CSMD1: variants seen among roughly 807,000 people sequenced by gnomAD.
CSMD1 encodes CUB and Sushi multiple domains 1.
Under a neutral mutation model 417.5 loss-of-function variants are expected in CSMD1, and 213 were observed. That is an observed-to-expected ratio of 0.51 (90% CI 0.46 to 0.57). The LOEUF is 0.57. Among genes scored for constraint, CSMD1 ranks in the 20% least tolerant of loss-of-function variants. The pLI, the probability that CSMD1 is intolerant of heterozygous loss-of-function variation, is 0.00. For synonymous variants in CSMD1, 2,862 were observed against 1,736.8 expected (o/e 1.65, Z -16.11); for missense variants, 6,923 against 4,529.7 (o/e 1.53, Z -15.17).
At position 3,255,423 on chromosome 8, in the gene CSMD1, C is replaced by G. The variant is rs112484382; in HGVS notation, c.4154-25192G>C. 2.9e-3 allele frequency among the ~76,000 whole-genome samples: 444 copies of G among 152,330 alleles called. 2 individuals are homozygous for G. Among genetic ancestry groups the G allele is most frequent in the African/African-American group, 0.01 (422 of 41,588 alleles). ...TCAGACAGGGACATTTCAGTCTGCACAGGTTTCTGCTGCCTTTTGTTGTCT... is the reference window on the plus strand; with the variant it reads ...TCAGACAGGGACATTTCAGTCTGCAGAGGTTTCTGCTGCCTTTTGTTGTCT... On this transcript the variant is annotated intron_variant, in intron 26 of 69. Transcript: ENST00000635120.
At chr8:4,848,452 A>C (rs1801272977) in intron 1 of CSMD1, among the ~76,000 whole-genome samples, 1 of 152,154 alleles carries the variant, frequency 6.6e-6, no homozygotes, top group Admixed American at 6.5e-5. Flanking sequence ...TGCATTACTC[A>C]TGGGTTTGTT....
intron 37 of CSMD1, among the ~76,000 whole-genome samples, chr8:3,167,450 A>G (rs1253215336): frequency 6.6e-6 from 1 of 152,186 alleles, no homozygotes; most frequent in Admixed American, 6.5e-5. Context: ...TTCTTGTGCA[A>G]TCTACACATT....
chr8:4,418,408 T>G (rs1724881378), intron 3 of CSMD1, among the ~76,000 whole-genome samples: 1 of 152,120 alleles, frequency 6.6e-6, no homozygotes, highest in Non-Finnish European at 1.5e-5. Flanking sequence ...CCCAGAAATA[T>G]TTGATAGAAT....
chr8:4,622,211 C>T (rs923265877), intron 2 of CSMD1, among the ~76,000 whole-genome samples: 4 of 150,380 alleles, frequency 2.7e-5, no homozygotes, highest in Non-Finnish European at 4.4e-5. Flanking sequence ...ATTGACCTGA[C>T]ATTACCTGGA....
intron 3 of CSMD1, among the ~76,000 whole-genome samples, chr8:4,279,606 A>T (rs144466617): frequency 1.5e-3 from 227 of 152,306 alleles, no homozygotes; most frequent in Non-Finnish European, 2.9e-3. Flanking sequence ...AATAGACTCA[A>T]TGAAAGGATA....
chr8:4,011,824 C>A (rs924720730), intron 4 of CSMD1, among the ~76,000 whole-genome samples: 1 of 152,108 alleles, frequency 6.6e-6, no homozygotes, highest in Non-Finnish European at 1.5e-5. Flanking sequence ...ATAATATGTG[C>A]ACAGTCATCT....
At chr8:3,553,890 C>G (rs994128194) in intron 10 of CSMD1, among the ~76,000 whole-genome samples, 1 of 152,128 alleles carries the variant, frequency 6.6e-6, no homozygotes, top group Non-Finnish European at 1.5e-5. Context: ...ATATCCACAA[C>G]AGTCATATTT....
intron 11 of CSMD1, among the ~76,000 whole-genome samples, chr8:3,492,470 C>T (rs549898780): frequency 2.6e-5 from 4 of 152,008 alleles, no homozygotes; most frequent in South Asian, 2.1e-4. Flanking sequence ...TAATGAAAGA[C>T]GCTTCTGGTT....
At chr8:3,034,582 T>C (rs1304381883) in intron 50 of CSMD1, among the ~76,000 whole-genome samples, 5 of 152,176 alleles carry the variant, frequency 3.3e-5, no homozygotes, top group East Asian at 1.9e-4. Context: ...TATGTATGTA[T>C]AAATTTTAAT....
At chr8:4,224,930 G>C (rs940881591) in intron 3 of CSMD1, among the ~76,000 whole-genome samples, 1 of 151,990 alleles carries the variant, frequency 6.6e-6, no homozygotes, top group Non-Finnish European at 1.5e-5. Flanking sequence ...TCCCAATATT[G>C]TGAAACCCCA....
intron 1 of CSMD1, among the ~76,000 whole-genome samples, chr8:4,876,075 C>G (rs112757148): frequency 0.017 from 2,657 of 152,050 alleles, 79 homozygotes; most frequent in African/African-American, 0.052. Context: ...TAGCAGATAG[C>G]CTAATGAGTA....
Position 3,142,630 on chromosome 8 carries a change from C to A in CSMD1, c.6076G>T (p.Asp2026Tyr). ...FLNFSTEANH[D>Y]FLEIQNGPYH... is the part of the protein sequence containing the mutation. ...GGTCCATTTTGAATTTCAAGGAAGT[C>A]ATGATTAGCTTCGGTAGAAAAATTC... The change falls in exon 41 of 70, where the codon GAC (aspartate) becomes TAC (tyrosine). Residue 2026 changes from aspartate (D) to tyrosine (Y), a missense_variant. Physicochemically the swap from Asp to Tyr is radical, Grantham distance 160. Transcript: ENST00000635120. 1 of 1,613,968 alleles carries A rather than the reference C, an allele frequency of 6.2e-7. No individual in the cohort carries two copies. The highest frequency in any genetic ancestry group is 2.2e-5 in the East Asian group (1 of 44,884).
intron 1 of CSMD1, among the ~76,000 whole-genome samples, chr8:4,682,089 G>C (rs1006877610): frequency 6.6e-6 from 1 of 152,160 alleles, no homozygotes; most frequent in African/African-American, 2.4e-5. Context: ...GGTGATCTCA[G>C]CTCACTGCAA....
At chr8:3,213,766 T>C (rs1032618481) in intron 30 of CSMD1, among the ~76,000 whole-genome samples, 5 of 151,062 alleles carry the variant, frequency 3.3e-5, no homozygotes, top group African/African-American at 1.2e-4. Context: ...TATGTATATA[T>C]ATGTGTGTGT....
chr8:3,890,669 C>T (rs1806908735), intron 5 of CSMD1, among the ~76,000 whole-genome samples: 1 of 152,120 alleles, frequency 6.6e-6, no homozygotes, highest in African/African-American at 2.4e-5. Context: ...TTTAATAAAA[C>T]CGATTACTCC....
chr8:4,940,912 A>G (rs1045732564), intron 1 of CSMD1, among the ~76,000 whole-genome samples: 1 of 152,212 alleles, frequency 6.6e-6, no homozygotes, highest in Non-Finnish European at 1.5e-5. Context: ...ATTCTCCAAG[A>G]GGAGAAGTGT....
chr8:4,664,488 G>T (rs532641840), intron 1 of CSMD1, among the ~76,000 whole-genome samples: 241 of 152,202 alleles, frequency 1.6e-3, no homozygotes, highest in African/African-American at 5.5e-3. Context: ...TTACCCTGGG[G>T]AGTTCAAGGC....
intron 37 of CSMD1, among the ~76,000 whole-genome samples, chr8:3,167,321 A>C (rs756767403): frequency 6.6e-6 from 1 of 152,050 alleles, no homozygotes; most frequent in Non-Finnish European, 1.5e-5. Flanking sequence ...GTGGTTCACA[A>C]ACTATTAGGT....
intron 26 of CSMD1, among the ~76,000 whole-genome samples, chr8:3,236,363 T>C (rs907707856): frequency 1.3e-5 from 2 of 152,140 alleles, no homozygotes; most frequent in African/African-American, 4.8e-5. Context: ...ACTTTGTATT[T>C]AGAATTATGA....
Sources: gnomAD v4.1 joint callset for allele counts (sites outside exome capture counted in the v4.1 genomes callset) on GRCh38, gnomAD v4.1.1 for gene constraint, MANE v1.5 for transcripts, NCBI Gene and HGNC (gene_info 2026-07-23, HGNC 2026-07-21) for gene names.